The following STX7 variants were observed in gnomAD, a reference collection of about 807,000 sequenced individuals.
The protein encoded by STX7 is syntaxin 7, also known as syntaxin-7.
A neutral mutation model predicts 39.6 loss-of-function variants in STX7; 34 were observed. That is an observed-to-expected ratio of 0.86 (90% CI 0.65 to 1.14). STX7 has a LOEUF of 1.14. STX7 is among the 50% of genes most tolerant of loss of function. The pLI is 0.00. For missense variants in STX7, 284 were observed against 310.4 expected (o/e 0.92, Z 0.64); for synonymous variants, 119 against 99.1 (o/e 1.20, Z -1.19).
chr6:132,475,598 T>C lies in STX7; in HGVS notation c.150A>G (p.Gln50=), dbSNP rs1774853581. The change falls in exon 3 of 10, where the codon CAA becomes CAG. Residue 50 remains glutamine, a synonymous_variant. Coordinates refer to ENST00000367941, the MANE Select transcript of STX7 (RefSeq NM_003569.3). ...TTATTTAACTAGATACTTACAACTG[T>C]TGCCTCAATTCAGGTGAATCTTGAG... ...GTPQDSPELR[Q]QLQQKQQYTN... is the part of the protein sequence containing the mutation. The C allele has an allele frequency of 6.2e-7, 1 of 1,602,944 alleles. No individual in the cohort carries two copies. Among genetic ancestry groups the C allele is most frequent in the African/African-American group, 1.3e-5 (1 of 74,670 alleles).
intron 2 of STX7, among the ~76,000 whole-genome samples, chr6:132,499,140 C>CCT (rs71684679): frequency 0.41 from 61,698 of 151,896 alleles, 12,853 homozygotes; most frequent in Middle Eastern, 0.47. Flanking sequence ...ATTCCCATGC[C>CCT]CTCACTTTCA....
At chr6:132,465,260 T>G (rs1013672836) in intron 8 of STX7, among the ~76,000 whole-genome samples, 4 of 152,166 alleles carry the variant, frequency 2.6e-5, no homozygotes, top group African/African-American at 9.7e-5. Context: ...TAATCTCAAT[T>G]TCAAGGGTCT....
At chr6:132,464,184 G>A (rs967673517) in intron 8 of STX7, 109 bp from the exon 9 acceptor site, 5 of 1,081,708 alleles carry the variant, frequency 4.6e-6, no homozygotes, top group Non-Finnish European at 7.0e-6. Flanking sequence ...ATTATTCAAA[G>A]GTTAATAGTA....
chr6:132,489,604 A>G (rs1775226555), intron 2 of STX7, among the ~76,000 whole-genome samples: 1 of 152,158 alleles, frequency 6.6e-6, no homozygotes, highest in South Asian at 2.1e-4. Context: ...CAGAGACGAG[A>G]AAGTGTGGGA....
Position 132,450,494 on chromosome 6 carries a change from A to C in STX7, c.*10264T>G, listed in dbSNP as rs1009216552. 1.3e-5 allele frequency: 2 copies of C among 149,886 alleles called. No homozygotes were observed. Among genetic ancestry groups the C allele is most frequent in the Non-Finnish European group, 3.0e-5 (2 of 67,654 alleles). 9.3% of individuals were successfully genotyped at this position (149,886 alleles called of 1,614,324 possible). The stretch of plus-strand genomic sequence containing the variant: ...ATGTGTACTTTATTTATTTAAAGAG[A>C]CCAACTTTTGTTTAAATTGATCCTC... On this transcript the variant is annotated 3_prime_UTR_variant, in exon 10 of 10. Coordinates refer to ENST00000367941, the MANE Select transcript of STX7 (RefSeq NM_003569.3).
At chr6:132,501,756 A>G (rs569746504) in intron 2 of STX7, among the ~76,000 whole-genome samples, 20 of 152,248 alleles carry the variant, frequency 1.3e-4, no homozygotes, top group African/African-American at 4.8e-4. Flanking sequence ...CCTTTCTTGC[A>G]TAAAGGTCCT....
intron 2 of STX7, among the ~76,000 whole-genome samples, chr6:132,499,778 G>A (rs1775508532): frequency 6.6e-6 from 1 of 151,978 alleles, no homozygotes; most frequent in African/African-American, 2.4e-5. Flanking sequence ...ATACTCTGAG[G>A]ACACTCTGAC....
intron 9 of STX7, among the ~76,000 whole-genome samples, chr6:132,463,214 A>C (rs77173609): frequency 0.012 from 1,891 of 152,280 alleles, 39 homozygotes; most frequent in African/African-American, 0.043. Flanking sequence ...TGTCAAAAAA[A>C]AAGTTAATAA....
At chr6:132,476,428 T>A (rs1774876301) in intron 2 of STX7, among the ~76,000 whole-genome samples, 1 of 152,074 alleles carries the variant, frequency 6.6e-6, no homozygotes, top group South Asian at 2.1e-4. Context: ...CCTGGGCATT[T>A]AAAGACGTCA....
At chr6:132,502,273 C>G (rs900107966) in intron 2 of STX7, among the ~76,000 whole-genome samples, 1 of 152,130 alleles carries the variant, frequency 6.6e-6, no homozygotes, top group Non-Finnish European at 1.5e-5. Context: ...TTTGAAAACA[C>G]TATTTCTGCA....
At chr6:132,474,717 T>C (rs1774827124) in intron 3 of STX7, among the ~76,000 whole-genome samples, 1 of 152,238 alleles carries the variant, frequency 6.6e-6, no homozygotes, top group Admixed American at 6.5e-5. Flanking sequence ...ACTCTAATTC[T>C]GTAAGGTTTA....
intron 2 of STX7, among the ~76,000 whole-genome samples, chr6:132,499,467 T>C (rs760983106): frequency 3.9e-5 from 6 of 152,142 alleles, no homozygotes; most frequent in Non-Finnish European, 8.8e-5. Context: ...CCTTCCTCCA[T>C]CTACACTTGC....
intron 9 of STX7, among the ~76,000 whole-genome samples, 163 bp downstream of exon 9, chr6:132,463,830 A>G (rs1363560113): frequency 6.6e-6 from 1 of 152,212 alleles, no homozygotes; most frequent in African/African-American, 2.4e-5. Flanking sequence ...AAACAGTTCT[A>G]AACTGACTGG....
At chr6:132,499,099 G>A (rs190933984) in intron 2 of STX7, among the ~76,000 whole-genome samples, 132 of 152,172 alleles carry the variant, frequency 8.7e-4, no homozygotes, top group African/African-American at 3.1e-3. Context: ...ACCTCTATAC[G>A]GTGGATGAAA....
At chr6:132,476,605 G>C (rs1774882535) in intron 2 of STX7, among the ~76,000 whole-genome samples, 1 of 152,040 alleles carries the variant, frequency 6.6e-6, no homozygotes, top group South Asian at 2.1e-4. Flanking sequence ...TTTGAATACA[G>C]AAAGTAAAAA....
intron 1 of STX7, among the ~76,000 whole-genome samples, chr6:132,509,368 C>T (rs1562343323): frequency 6.6e-6 from 1 of 151,914 alleles, no homozygotes; most frequent in African/African-American, 2.4e-5. Flanking sequence ...AGGACAATCG[C>T]TTGAACCCAG....
chr6:132,509,478 A>AACTAAAC (rs1775790291), intron 1 of STX7, among the ~76,000 whole-genome samples: 1 of 106,532 alleles, frequency 9.4e-6, no homozygotes, highest in South Asian at 3.3e-4. Flanking sequence ...ATAACATAAC[A>AACTAAAC]TAACATAACA....
At chr6:132,507,753 T>C (rs553350499) in intron 1 of STX7, among the ~76,000 whole-genome samples, 1 of 152,348 alleles carries the variant, frequency 6.6e-6, no homozygotes, top group South Asian at 2.1e-4. Flanking sequence ...CTCCTTTCCC[T>C]CTATCAAGTA....
At chr6:132,497,591 GATGT>G (rs141808925) in intron 2 of STX7, among the ~76,000 whole-genome samples, 225 of 152,254 alleles carry the variant, frequency 1.5e-3, no homozygotes, top group African/African-American at 5.1e-3. Flanking sequence ...TTACTTATGT[GATGT>G]ATTTTGATAT....
Sources: allele counts gnomAD v4.1 joint callset (sites outside exome capture counted in the v4.1 genomes callset), GRCh38; gene constraint gnomAD v4.1.1; transcripts MANE v1.5; gene names NCBI Gene and HGNC (gene_info 2026-07-23, HGNC 2026-07-21).